CDH12: variants seen among roughly 807,000 people sequenced by gnomAD.
CDH12 encodes the protein cadherin 12, also known as cadherin-12.
Under a neutral mutation model 74.1 loss-of-function variants are expected in CDH12, and 41 were observed. That is an observed-to-expected ratio of 0.55 (90% CI 0.43 to 0.72). The LOEUF is 0.72. CDH12 is among the 30% of genes least tolerant of loss of function. The pLI is 0.00. For synonymous variants in CDH12, 399 were observed against 355.0 expected, an observed-to-expected ratio of 1.12 and a Z score of -1.39; for missense variants, 945 against 977.2, an observed-to-expected ratio of 0.97 and a Z score of 0.44.
chr5:22,273,088 T>A (rs977006364), intron 3 of CDH12, among the ~76,000 whole-genome samples: 1 of 152,034 alleles, frequency 6.6e-6, no homozygotes, highest in African/African-American at 2.4e-5. Flanking sequence ...ACGAGGTCCC[T>A]CCCCCAACAT....
chr5:22,059,517 G>A (rs1741037900), intron 5 of CDH12, among the ~76,000 whole-genome samples: 1 of 152,066 alleles, frequency 6.6e-6, no homozygotes, highest in Admixed American at 6.6e-5. Context: ...AAATTCCATT[G>A]CTCCAATACT....
In CDH12 at chr5:22,037,625, T is replaced by C. The variant is rs551095981; in HGVS notation, c.231+40821A>G. On this transcript the variant is annotated intron_variant, in intron 5 of 14. Coordinates refer to ENST00000382254, the MANE Select transcript of CDH12 (RefSeq NM_004061.5). ...TTAAACCACAGAATTTGTAGTAATT[T>C]TTTACAGCAGCTATAGGCAACTAAT... 2.2e-4 allele frequency among the ~76,000 whole-genome samples: 34 copies of C among 152,248 alleles called. 2 individuals carry two copies. In the South Asian group the frequency reaches 7.0e-3, roughly 32 times the overall value.
intron 4 of CDH12, among the ~76,000 whole-genome samples, chr5:22,154,949 G>A (rs1462074366): frequency 6.6e-6 from 1 of 152,088 alleles, no homozygotes; most frequent in Non-Finnish European, 1.5e-5. Context: ...AGGCCCCTCA[G>A]AGTGTTGGCA....
chr5:21,802,249 C>G lies in CDH12; in HGVS notation c.1174G>C (p.Glu392Gln), dbSNP rs201550912. 3 of 1,613,922 alleles carry G rather than the reference C, an allele frequency of 1.9e-6. No homozygotes were observed. In the African/African-American group the frequency reaches 4.0e-5, roughly 22 times the overall value. Residue 392 changes from glutamate (E) to glutamine (Q), a missense_variant, in exon 10 of 15, where the codon GAG becomes CAG. Glu to Gln is a conservative substitution (Grantham distance 29). Around this residue, in one of 3 missense-constraint regions of CDH12, gnomAD observed 791 missense variants for 792.8 expected, o/e 1.00. Transcript: ENST00000382254. ...CCTACCGGAGTGTCTTCATAAACCTCCATGGTGTAGAGCGGCTTGCTGAAA... is the reference window on the plus strand; with the variant it reads ...CCTACCGGAGTGTCTTCATAAACCTGCATGGTGTAGAGCGGCTTGCTGAAA... ...PVFSKPLYTM[E>Q]VYEDTPVGTI...
chr5:22,026,844 A>T (rs143397571), intron 5 of CDH12, among the ~76,000 whole-genome samples: 2 of 152,144 alleles, frequency 1.3e-5, no homozygotes, highest in African/African-American at 4.8e-5. Flanking sequence ...TTGGTGCAGC[A>T]AAGGTTAGAA....
intron 5 of CDH12, among the ~76,000 whole-genome samples, chr5:22,040,205 G>A (rs1739478334): frequency 6.6e-6 from 1 of 151,740 alleles, no homozygotes; most frequent in Non-Finnish European, 1.5e-5. Context: ...CAGCAGAACA[G>A]GTCAAGCAGA....
chr5:22,419,127 T>C lies in CDH12; in HGVS notation c.-427-13776A>G, dbSNP rs1743523258. 2.0e-5 allele frequency among the ~76,000 whole-genome samples: 3 copies of C among 152,086 alleles called. No individual in the cohort carries two copies. In the South Asian group the frequency reaches 6.2e-4, roughly 32 times the overall value. ...TCCAGGGATGAAGCTGACTTGATTG[T>C]GGTGGATAAGCTTTTTGATGTGCTG... On this transcript the variant is annotated intron_variant, in intron 2 of 14. Coordinates refer to ENST00000382254, the MANE Select transcript of CDH12 (RefSeq NM_004061.5).
chr5:21,954,429 G>A (rs563009519), intron 6 of CDH12, among the ~76,000 whole-genome samples: 235 of 152,070 alleles, frequency 1.5e-3, no homozygotes, highest in African/African-American at 5.5e-3. Context: ...CTAAATTAAT[G>A]TTGAATCATT....
chr5:22,373,790 T>C (rs1739736437), intron 3 of CDH12, among the ~76,000 whole-genome samples: 1 of 152,044 alleles, frequency 6.6e-6, no homozygotes, highest in Non-Finnish European at 1.5e-5. Context: ...AGGAAAACAA[T>C]CCTTCCCTAT....
chr5:22,197,298 A>T (rs1018213885), intron 4 of CDH12, among the ~76,000 whole-genome samples: 6 of 152,046 alleles, frequency 3.9e-5, no homozygotes, highest in South Asian at 4.2e-4. Context: ...CAAAAAAAAA[A>T]TTAGCTGGGC....
At position 22,078,439 on chromosome 5, in the gene CDH12, C is replaced by T. The variant is rs756853167; in HGVS notation, c.231+7G>A. The T allele has an allele frequency of 1.3e-4, 216 of 1,612,538 alleles. No individual in the cohort carries two copies. Among genetic ancestry groups the T allele is most frequent in the Admixed American group, 2.7e-4 (16 of 59,938 alleles). On this transcript the variant is annotated splice_region_variant and intron_variant, in intron 5 of 14. Transcript: ENST00000382254. ...TCAAGCGGTTGTCAAAAGAAATACG[C>T]CATTACCTTTCCCACATACTGAGGC...
intron 6 of CDH12, chr5:21,889,703 C>A: frequency 1.0e-6 from 1 of 985,102 alleles, no homozygotes; most frequent in Non-Finnish European, 1.2e-6. Flanking sequence ...AGTTCTTCTG[C>A]ATTCTAGACA....
chr5:22,411,395 T>C (rs1353516195), intron 2 of CDH12, among the ~76,000 whole-genome samples: 1 of 151,908 alleles, frequency 6.6e-6, no homozygotes, highest in Non-Finnish European at 1.5e-5. Context: ...ATAGTATGAT[T>C]AGTAAATGGT....
chr5:21,807,451 T>C (rs532633169), intron 9 of CDH12, among the ~76,000 whole-genome samples: 2 of 152,228 alleles, frequency 1.3e-5, no homozygotes, highest in Admixed American at 6.6e-5. Context: ...GAAGAGCCCA[T>C]TGGGCTATTA....
At chr5:22,722,054 CAT>C (rs991584473) in intron 1 of CDH12, among the ~76,000 whole-genome samples, 37 of 152,292 alleles carry the variant, frequency 2.4e-4, no homozygotes, top group African/African-American at 8.7e-4. Context: ...GTTTTGCTGA[CAT>C]ATGTCACCTT....
intron 4 of CDH12, among the ~76,000 whole-genome samples, chr5:22,186,537 C>T (rs1406157620): frequency 6.6e-6 from 1 of 152,196 alleles, no homozygotes; most frequent in Non-Finnish European, 1.5e-5. Flanking sequence ...GTGATATGAT[C>T]TCAGCTCACT....
intron 1 of CDH12, among the ~76,000 whole-genome samples, chr5:22,706,631 C>T (rs1743022880): frequency 6.6e-6 from 1 of 151,964 alleles, no homozygotes; most frequent in South Asian, 2.1e-4. Flanking sequence ...TTTAATGTAT[C>T]ATAGTTTAGT....
At chr5:22,608,869 G>A (rs944666537) in intron 1 of CDH12, among the ~76,000 whole-genome samples, 4 of 152,234 alleles carry the variant, frequency 2.6e-5, no homozygotes, top group Non-Finnish European at 5.9e-5. Flanking sequence ...CCCCAGCCAC[G>A]TGGAACTGTG....
chr5:21,996,588 T>C (rs1736315431), intron 5 of CDH12, among the ~76,000 whole-genome samples: 1 of 152,152 alleles, frequency 6.6e-6, no homozygotes, highest in African/African-American at 2.4e-5. Context: ...CTGCCCAGGG[T>C]TCTTTCCATT....
Sources: gnomAD v4.1 joint callset for allele counts (sites outside exome capture counted in the v4.1 genomes callset) on GRCh38, gnomAD v4.1.1 for gene constraint, gnomAD v4.1.1 regional missense constraint, MANE v1.5 for transcripts, NCBI Gene and HGNC (gene_info 2026-07-23, HGNC 2026-07-21) for gene names.